CCDC85A: variants seen among roughly 807,000 people sequenced by gnomAD.
CCDC85A encodes the protein coiled-coil domain containing 85A.
Under a neutral mutation model 50.2 loss-of-function variants are expected in CCDC85A, and 38 were observed. The ratio of observed to expected loss-of-function variants is 0.76; its 90% confidence interval spans 0.58 to 0.99. CCDC85A has a LOEUF of 0.99. Among genes scored for constraint, CCDC85A ranks in the 50% least tolerant of loss-of-function variants. The probability of loss-of-function intolerance (pLI) is 0.00; values close to 1 mark genes in which losing one functional copy is unlikely to be tolerated. For missense variants in CCDC85A, 820 were observed against 742.0 expected (o/e 1.11, Z -1.22); for synonymous variants, 366 against 301.4 (o/e 1.21, Z -2.22).
chr2:56,379,821 A>G lies in CCDC85A; in HGVS notation c.1572+3886A>G, dbSNP rs1676502136. On this transcript the variant is annotated intron_variant, in intron 5 of 5. Coordinates refer to ENST00000407595, the MANE Select transcript of CCDC85A (RefSeq NM_001080433.2). ...ATGAACATGACCTTAGTGAGACAGA[A>G]AAAGCTATAGTCAGAGAAATGTGCA... 4 of 983,524 alleles carry G rather than the reference A, an allele frequency of 4.1e-6. No homozygotes were observed. The South Asian group carries it at 1.4e-4, about 35-fold the overall frequency. 60.9% of individuals were successfully genotyped at this position (983,524 alleles called of 1,614,324 possible). A position where few individuals can be genotyped will look rare whatever the true frequency, so the allele number is the denominator to read the frequency against.
rs17268765 is a variant in CCDC85A, at chr2:56,327,600, C to A, written c.1241-15279C>A. On this transcript the variant is annotated intron_variant, in intron 2 of 5. Coordinates refer to ENST00000407595, the MANE Select transcript of CCDC85A (RefSeq NM_001080433.2). ...CTGTGACAAATGATATCCCAGCCTACGGTGTCTTAGTAGTATAGTTATTCT... is the reference window on the plus strand; with the variant it reads ...CTGTGACAAATGATATCCCAGCCTAAGGTGTCTTAGTAGTATAGTTATTCT... 5.1e-3 allele frequency among the ~76,000 whole-genome samples: 775 copies of A among 152,138 alleles called. 4 individuals carry two copies. Among genetic ancestry groups the A allele is most frequent in the Non-Finnish European group, 6.5e-3 (445 of 68,014 alleles).
chr2:56,184,645 C>G lies in CCDC85A; in HGVS notation c.21C>G (p.Gly7=), dbSNP rs1419910555. Residue 7 remains glycine (G), a synonymous_variant, in exon 1 of 6, where the codon GGC becomes GGG. Transcript: ENST00000407595. MSKAAG[G]AAAAAAAAES... ...ATACCATGTCGAAGGCGGCCGGAGGCGCGGCGGCGGCTGCGGCGGCGGCGG... is the reference window on the plus strand; with the variant it reads ...ATACCATGTCGAAGGCGGCCGGAGGGGCGGCGGCGGCTGCGGCGGCGGCGG... 1.3e-5 allele frequency: 19 copies of G among 1,438,100 alleles called. No individual in the cohort carries two copies. The highest frequency in any genetic ancestry group is 7.5e-5 in the South Asian group (5 of 67,022). 89.1% of individuals were successfully genotyped at this position (1,438,100 alleles called of 1,614,324 possible).
intron 2 of CCDC85A, among the ~76,000 whole-genome samples, chr2:56,249,250 C>T (rs1184435192): frequency 6.6e-6 from 1 of 152,230 alleles, no homozygotes; most frequent in Non-Finnish European, 1.5e-5. Context: ...TGAGCTCTGC[C>T]TTAGGCAGAG....
intron 2 of CCDC85A, among the ~76,000 whole-genome samples, chr2:56,252,970 G>A (rs1255032539): frequency 5.3e-5 from 8 of 152,026 alleles, no homozygotes; most frequent in Admixed American, 5.2e-4. Flanking sequence ...AGTAAGCCAA[G>A]ATCGCGCCAC....
chr2:56,199,630 G>A (rs1676654060), intron 2 of CCDC85A, among the ~76,000 whole-genome samples: 1 of 151,972 alleles, frequency 6.6e-6, no homozygotes, highest in Admixed American at 6.6e-5. Context: ...CATGATGTCA[G>A]CTGCACTCCT....
At position 56,184,508 on chromosome 2, in the gene CCDC85A, T is replaced by A; in HGVS notation, c.-117T>A. 8.8e-7 allele frequency: 1 copy of A among 1,140,602 alleles called. No homozygotes were observed. The highest frequency in any genetic ancestry group is 3.2e-5 in the South Asian group (1 of 31,620). The allele number at this position is 1,140,602 out of a possible 1,614,324, so 70.7% of individuals were successfully genotyped here. A position where few individuals can be genotyped will look rare whatever the true frequency, so the allele number is the denominator to read the frequency against. Reference sequence around the variant, plus strand: ...CCCCAACCCAGCGGCCCCTGGGCGGTGCCGCTGACTCGCCGGAGCGCACAG... The same window carrying A: ...CCCCAACCCAGCGGCCCCTGGGCGGAGCCGCTGACTCGCCGGAGCGCACAG... On this transcript the variant is annotated 5_prime_UTR_variant, in exon 1 of 6. Transcript: ENST00000407595.
chr2:56,295,348 G>A (rs1671898550), intron 2 of CCDC85A, among the ~76,000 whole-genome samples: 1 of 152,146 alleles, frequency 6.6e-6, no homozygotes, highest in Admixed American at 6.5e-5. Flanking sequence ...CTTAAATCAA[G>A]GTTTCCATTG....
At chr2:56,216,072 C>G (rs2103892226) in intron 2 of CCDC85A, among the ~76,000 whole-genome samples, 1 of 151,960 alleles carries the variant, frequency 6.6e-6, no homozygotes, top group Middle Eastern at 3.4e-3. Context: ...GCCTAAAATA[C>G]TTATTTACTG....
intron 3 of CCDC85A, among the ~76,000 whole-genome samples, chr2:56,350,690 A>T (rs533920811): frequency 4.2e-4 from 64 of 151,164 alleles, no homozygotes; most frequent in South Asian, 8.4e-4. Context: ...TACATCTCTG[A>T]CTAATGGAAA....
At chr2:56,219,785 C>A (rs1021192868) in intron 2 of CCDC85A, among the ~76,000 whole-genome samples, 1 of 151,950 alleles carries the variant, frequency 6.6e-6, no homozygotes, top group Non-Finnish European at 1.5e-5. Context: ...TCTATTTCAT[C>A]CATTTTATAA....
At chr2:56,282,117 A>G (rs1020139360) in intron 2 of CCDC85A, among the ~76,000 whole-genome samples, 3 of 152,142 alleles carry the variant, frequency 2.0e-5, no homozygotes, top group African/African-American at 7.2e-5. Flanking sequence ...CATGTGAGGA[A>G]AATTTTGAGA....
At chr2:56,255,720 A>G (rs1197238108) in intron 2 of CCDC85A, among the ~76,000 whole-genome samples, 1 of 152,158 alleles carries the variant, frequency 6.6e-6, no homozygotes, top group South Asian at 2.1e-4. Context: ...TGATGGAATC[A>G]TGTGAGACTC....
intron 2 of CCDC85A, among the ~76,000 whole-genome samples, chr2:56,310,967 G>A (rs528052193): frequency 4.6e-5 from 7 of 152,198 alleles, no homozygotes; most frequent in African/African-American, 1.7e-4. Flanking sequence ...TTGCAATGCT[G>A]GTGACTTTTG....
chr2:56,341,249 C>G (rs1232419126), intron 2 of CCDC85A, among the ~76,000 whole-genome samples: 4 of 152,174 alleles, frequency 2.6e-5, no homozygotes, highest in Non-Finnish European at 5.9e-5. Context: ...TGAGACCACT[C>G]GCCCAACTCC....
chr2:56,282,595 C>T (rs1004769923), intron 2 of CCDC85A, among the ~76,000 whole-genome samples: 28 of 152,280 alleles, frequency 1.8e-4, no homozygotes, highest in Admixed American at 5.2e-4. Flanking sequence ...CCGCAACCTC[C>T]GCCTCCCAGG....
At chr2:56,363,320 A>T (rs914489737) in intron 3 of CCDC85A, among the ~76,000 whole-genome samples, 1 of 152,058 alleles carries the variant, frequency 6.6e-6, no homozygotes, top group African/African-American at 2.4e-5. Context: ...CACTGCCTGG[A>T]TTCTGGATTC....
intron 2 of CCDC85A, among the ~76,000 whole-genome samples, chr2:56,228,705 T>C (rs1449254464): frequency 6.6e-6 from 1 of 152,040 alleles, no homozygotes; most frequent in Non-Finnish European, 1.5e-5. Flanking sequence ...GCTAATTTTT[T>C]TGTGTTTTTA....
chr2:56,382,493 T>A (rs1477395045), intron 5 of CCDC85A, among the ~76,000 whole-genome samples: 2 of 151,996 alleles, frequency 1.3e-5, no homozygotes, highest in Non-Finnish European at 2.9e-5. Context: ...TACTGCCCCC[T>A]AAGAAATAGT....
At chr2:56,370,091 A>T (rs1333870442) in intron 3 of CCDC85A, among the ~76,000 whole-genome samples, 1 of 152,134 alleles carries the variant, frequency 6.6e-6, no homozygotes, top group African/African-American at 2.4e-5. Flanking sequence ...CAGAAAACAA[A>T]ACTAAGTGAA....
Sources: allele counts gnomAD v4.1 joint callset (sites outside exome capture counted in the v4.1 genomes callset), GRCh38; gene constraint gnomAD v4.1.1; transcripts MANE v1.5; gene names NCBI Gene and HGNC (gene_info 2026-07-23, HGNC 2026-07-21).